RABGAP1L: variants seen among roughly 807,000 people sequenced by gnomAD.
RABGAP1L encodes the protein RAB GTPase activating protein 1 like, also known as rab GTPase-activating protein 1-like.
Under a neutral mutation model 137.7 loss-of-function variants are expected in RABGAP1L, and 63 were observed. That is an observed-to-expected ratio of 0.46 (90% CI 0.37 to 0.56). The LOEUF (loss-of-function observed/expected upper bound fraction) is 0.56. RABGAP1L is among the 20% of genes least tolerant of loss of function. The pLI is 0.00. For synonymous variants in RABGAP1L, 431 were observed against 433.7 expected (o/e 0.99, Z 0.08); for missense variants, 1,095 against 1,244.0 (o/e 0.88, Z 1.80).
At chr1:174,587,614 G>GAGAAT (rs1669223694) in intron 13 of RABGAP1L, among the ~76,000 whole-genome samples, 1 of 151,930 alleles carries the variant, frequency 6.6e-6, no homozygotes, top group Admixed American at 6.6e-5. Context: ...AAGTTTGTGG[G>GAGAAT]AAAATGCAAT....
intron 13 of RABGAP1L, among the ~76,000 whole-genome samples, chr1:174,511,998 AAT>A (rs2147806569): frequency 6.6e-6 from 1 of 152,248 alleles, no homozygotes; most frequent in African/African-American, 2.4e-5. Context: ...TTATTTATTT[AAT>A]ATTTTGCTTG....
chr1:174,674,602 C>T (rs1029163924), intron 14 of RABGAP1L, among the ~76,000 whole-genome samples: 1 of 150,942 alleles, frequency 6.6e-6, no homozygotes, highest in Non-Finnish European at 1.5e-5. Flanking sequence ...GGTATATACC[C>T]AGTAATGGGA....
At chr1:174,920,713 G>C (rs1214090057) in intron 19 of RABGAP1L, among the ~76,000 whole-genome samples, 2 of 152,192 alleles carry the variant, frequency 1.3e-5, no homozygotes, top group Non-Finnish European at 2.9e-5. Flanking sequence ...AATATGATTA[G>C]TGTCCTTGTA....
intron 18 of RABGAP1L, among the ~76,000 whole-genome samples, chr1:174,804,264 G>GTTTGT (rs1689039516): frequency 1.0e-4 from 5 of 49,712 alleles, no homozygotes; most frequent in African/African-American, 1.9e-4. Context: ...TGTTTGTTTT[G>GTTTGT]TTTTGTTTTG....
At chr1:174,605,758 A>C (rs1670744105) in intron 13 of RABGAP1L, among the ~76,000 whole-genome samples, 2 of 152,236 alleles carry the variant, frequency 1.3e-5, no homozygotes, top group African/African-American at 4.8e-5. Context: ...CAATTAGAGC[A>C]CAAACAAGAT....
intron 19 of RABGAP1L, among the ~76,000 whole-genome samples, chr1:174,868,700 T>G (rs1176431353): frequency 6.6e-6 from 1 of 152,184 alleles, no homozygotes; most frequent in Non-Finnish European, 1.5e-5. Flanking sequence ...CTTTTCATAG[T>G]TGTTCAATTT....
chr1:174,629,763 A>G (rs1339787837), intron 13 of RABGAP1L, among the ~76,000 whole-genome samples: 1 of 152,134 alleles, frequency 6.6e-6, no homozygotes, highest in African/African-American at 2.4e-5. Context: ...AGCTCAGGCA[A>G]TCCGCCCGCC....
At chr1:174,562,134 A>G (rs1463007212) in intron 13 of RABGAP1L, among the ~76,000 whole-genome samples, 1 of 152,244 alleles carries the variant, frequency 6.6e-6, no homozygotes, top group Non-Finnish European at 1.5e-5. Context: ...TCCAGAATCT[A>G]CAAAGAACTT....
chr1:174,483,698 G>A (rs1659349559), intron 13 of RABGAP1L, among the ~76,000 whole-genome samples: 1 of 151,952 alleles, frequency 6.6e-6, no homozygotes, highest in African/African-American at 2.4e-5. Context: ...ATTGTGGCAG[G>A]TGCCTGTAAT....
At chr1:174,642,692 T>C (rs1316263741) in intron 14 of RABGAP1L, among the ~76,000 whole-genome samples, 1 of 142,200 alleles carries the variant, frequency 7.0e-6, no homozygotes, top group East Asian at 2.2e-4. Flanking sequence ...CTCCTTTCTC[T>C]GTCTCTCTCT....
In RABGAP1L at chr1:174,278,604, C is replaced by G. The variant is rs1675217102; in HGVS notation, c.1157-9C>G. On this transcript the variant is annotated splice_polypyrimidine_tract_variant and intron_variant, in intron 9 of 25. Transcript: ENST00000681986. ...AGCTCGCATAAAACCCAGAAAATTT[C>G]TACTACAGATAAGCAAGTATACATG... 6.3e-7 allele frequency: 1 copy of G among 1,598,898 alleles called. No homozygotes were observed.
intron 13 of RABGAP1L, among the ~76,000 whole-genome samples, chr1:174,502,312 A>G (rs966344933): frequency 1.3e-5 from 2 of 151,624 alleles, no homozygotes; most frequent in Non-Finnish European, 2.9e-5. Context: ...CCAAAGGAAA[A>G]GAATCCCAAA....
At chr1:174,727,383 A>G (rs1331335290) in intron 17 of RABGAP1L, among the ~76,000 whole-genome samples, 2 of 152,198 alleles carry the variant, frequency 1.3e-5, no homozygotes, top group Non-Finnish European at 2.9e-5. Flanking sequence ...TTAAATGCTG[A>G]TTCGGATTTT....
intron 13 of RABGAP1L, among the ~76,000 whole-genome samples, chr1:174,597,404 C>G (rs1336314482): frequency 1.3e-5 from 2 of 151,998 alleles, no homozygotes; most frequent in Non-Finnish European, 2.9e-5. Context: ...TGTTAAGGGT[C>G]TATTCGAGTT....
At chr1:174,253,044 A>T (rs949235985) in intron 7 of RABGAP1L, among the ~76,000 whole-genome samples, 2 of 152,206 alleles carry the variant, frequency 1.3e-5, no homozygotes, top group African/African-American at 4.8e-5. Flanking sequence ...AGGACAAAAG[A>T]TATAAATAAA....
At chr1:174,511,598 C>G (rs920756319) in intron 13 of RABGAP1L, among the ~76,000 whole-genome samples, 1 of 151,490 alleles carries the variant, frequency 6.6e-6, no homozygotes, top group East Asian at 1.9e-4. Flanking sequence ...CTAATTCTCT[C>G]CTAGTGGGCT....
intron 14 of RABGAP1L, among the ~76,000 whole-genome samples, chr1:174,665,744 C>T (rs756658670): frequency 3.3e-5 from 5 of 152,184 alleles, no homozygotes; most frequent in Admixed American, 3.3e-4. Flanking sequence ...GGATTACTGG[C>T]GTGAGCCACT....
chr1:174,234,874 T>G (rs986125788), intron 4 of RABGAP1L, among the ~76,000 whole-genome samples: 19 of 140,178 alleles, frequency 1.4e-4, no homozygotes, highest in African/African-American at 2.5e-4. Context: ...GCCATTTTCA[T>G]GATATTGATT....
At chr1:174,705,656 G>T (rs543918343) in intron 17 of RABGAP1L, 1 of 152,230 alleles carries the variant, frequency 6.6e-6, no homozygotes, top group Admixed American at 6.5e-5. Flanking sequence ...AAACAATATT[G>T]TAGTGTGCCT....
Sources: gnomAD v4.1 joint callset for allele counts (sites outside exome capture counted in the v4.1 genomes callset) on GRCh38, gnomAD v4.1.1 for gene constraint, MANE v1.5 for transcripts, NCBI Gene and HGNC (gene_info 2026-07-23, HGNC 2026-07-21) for gene names.